TFDP1: variants seen among roughly 807,000 people sequenced by gnomAD.
The protein encoded by TFDP1 is transcription factor Dp-1.
Under a neutral mutation model 48.0 loss-of-function variants are expected in TFDP1, and 6 were observed. That is an observed-to-expected ratio of 0.13 (90% CI 0.07 to 0.25). The LOEUF is 0.25. TFDP1 is among the 10% of genes least tolerant of loss of function. The pLI is 1.00. For missense variants in TFDP1, 335 were observed against 543.0 expected, an observed-to-expected ratio of 0.62 and a Z score of 3.81; for synonymous variants, 201 against 211.6, an observed-to-expected ratio of 0.95 and a Z score of 0.44.
At chr13:113,593,692 G>T (rs2048207906) in intron 2 of TFDP1, among the ~76,000 whole-genome samples, 1 of 138,946 alleles carries the variant, frequency 7.2e-6, no homozygotes, top group African/African-American at 2.7e-5. Flanking sequence ...CTGTGCCCAG[G>T]TGACAGGTGT....
At chr13:113,639,986 C>G in intron 11 of TFDP1, 134 bp from the exon 12 acceptor site, 3 of 658,470 alleles carry the variant, frequency 4.6e-6, no homozygotes, top group East Asian at 2.8e-5. Flanking sequence ...CACTCAGCCT[C>G]CCCGTTCTGT....
rs952682674 is a variant in TFDP1, at chr13:113,598,986, CAG to C, written c.13-12008_13-12007del. Reference sequence around the variant, plus strand: ...AAAAACGTAGGGTGCAGAAAGGTGTCAGAAAGTAAGCAGTCATCTGAAATGAC... The same window carrying C: ...AAAAACGTAGGGTGCAGAAAGGTGTCAAAGTAAGCAGTCATCTGAAATGAC... On this transcript the variant is annotated intron_variant, in intron 2 of 11. Coordinates refer to ENST00000375370, the MANE Select transcript of TFDP1 (RefSeq NM_007111.5). This position sits in a 1 kb window ranked among gnomAD's most constrained non-coding sequence, Gnocchi z 4.2. Among the ~76,000 whole-genome samples, 1 of 152,166 alleles carries C rather than the reference CAG, an allele frequency of 6.6e-6. No individual in the cohort carries two copies. Among genetic ancestry groups the C allele is most frequent in the Non-Finnish European group, 1.5e-5 (1 of 68,042 alleles).
Position 113,607,182 on chromosome 13 carries a change from A to G in TFDP1, c.13-3814A>G, listed in dbSNP as rs1566649155. Among the ~76,000 whole-genome samples, 1 of 152,206 alleles carries G rather than the reference A, an allele frequency of 6.6e-6. No homozygotes were observed. Among genetic ancestry groups the G allele is most frequent in the Non-Finnish European group, 1.5e-5 (1 of 68,038 alleles). On this transcript the variant is annotated intron_variant, in intron 2 of 11. Transcript: ENST00000375370. The surrounding 1 kb of genome is among the most constrained non-coding windows in gnomAD (Gnocchi z 5.2). ...CCCCTGACAGAGCCGTGCAGGCGGCAGCGGCAGCACTGTTGCTGCGGCTGA... is the reference window on the plus strand; with the variant it reads ...CCCCTGACAGAGCCGTGCAGGCGGCGGCGGCAGCACTGTTGCTGCGGCTGA...
intron 11 of TFDP1, among the ~76,000 whole-genome samples, 197 bp from the exon 12 acceptor site, chr13:113,639,923 G>C (rs1252605271): frequency 1.3e-5 from 2 of 152,258 alleles, no homozygotes; most frequent in Non-Finnish European, 2.9e-5. Flanking sequence ...GGCCAGAAGA[G>C]AACCAGACAG....
rs200346879 is a variant in TFDP1 at position 113,636,146 on chromosome 13, A to G, written c.839+18A>G. The G allele has an allele frequency of 1.9e-5, 31 of 1,613,254 alleles. No homozygotes were observed. The East Asian group carries it at 6.9e-4, about 36-fold the overall frequency. ...AATGACAAGTAGGTTGTGGGCGGGG[A>G]GCTGTTCCCTGGTCACCCATCTCTT... On this transcript the variant is annotated intron_variant, in intron 9 of 11. Coordinates refer to ENST00000375370, the MANE Select transcript of TFDP1 (RefSeq NM_007111.5).
chr13:113,624,726 A>T (rs975433990), intron 4 of TFDP1, among the ~76,000 whole-genome samples: 2 of 118,836 alleles, frequency 1.7e-5, no homozygotes, highest in Non-Finnish European at 3.3e-5. Context: ...ACATGTCCTC[A>T]CGTGTCTCTC....
intron 7 of TFDP1, 190 bp from the exon 8 acceptor site, chr13:113,634,344 A>G: frequency 1.6e-6 from 1 of 636,558 alleles, no homozygotes; most frequent in East Asian, 2.7e-5. Flanking sequence ...GGGAGAAGGT[A>G]TAGTTTAGAA....
At chr13:113,621,916 A>C (rs1156546198) in intron 3 of TFDP1, among the ~76,000 whole-genome samples, 1 of 152,200 alleles carries the variant, frequency 6.6e-6, no homozygotes, top group East Asian at 1.9e-4. Flanking sequence ...TCACGCTCCT[A>C]GTCCACCTTC....
intron 3 of TFDP1, among the ~76,000 whole-genome samples, chr13:113,618,142 C>T (rs1170087574): frequency 2.0e-5 from 3 of 152,182 alleles, no homozygotes; most frequent in Non-Finnish European, 4.4e-5. Flanking sequence ...AAATGTTAGC[C>T]CTCCTCCCTC....
intron 2 of TFDP1, among the ~76,000 whole-genome samples, chr13:113,588,619 A>G (rs1026644441): frequency 6.6e-6 from 1 of 152,148 alleles, no homozygotes; most frequent in African/African-American, 2.4e-5. Context: ...GGAGAGAGGT[A>G]CTCTGAAAAG....
chr13:113,585,963 C>A, intron 2 of TFDP1, 114 bp downstream of exon 2: 2 of 1,274,432 alleles, frequency 1.6e-6, no homozygotes, highest in Non-Finnish European at 2.2e-6. Context: ...TGTTTATTTT[C>A]AGACTTTTAA....
chr13:113,599,101 C>G (rs561134098), intron 2 of TFDP1, among the ~76,000 whole-genome samples: 2 of 151,572 alleles, frequency 1.3e-5, no homozygotes, highest in African/African-American at 4.8e-5. Flanking sequence ...ATGTACAGTA[C>G]GGAATTCTAA....
intron 2 of TFDP1, among the ~76,000 whole-genome samples, chr13:113,587,094 C>T (rs536135983): frequency 1.9e-4 from 29 of 152,252 alleles, no homozygotes; most frequent in Admixed American, 1.6e-3. Context: ...TTCTCAAACA[C>T]GCTTTGATAC....
At chr13:113,608,710 C>T (rs1303328128) in intron 2 of TFDP1, among the ~76,000 whole-genome samples, 1 of 152,226 alleles carries the variant, frequency 6.6e-6, no homozygotes, top group Admixed American at 6.5e-5. Context: ...ACTTCTCGGT[C>T]TTACCCAGTG....
At chr13:113,625,495 T>C (rs1451112704) in intron 4 of TFDP1, among the ~76,000 whole-genome samples, 1 of 92,344 alleles carries the variant, frequency 1.1e-5, no homozygotes. Flanking sequence ...GTCTCTCACG[T>C]GTTCTCAGGT....
chr13:113,634,724 T>A, intron 8 of TFDP1, 122 bp downstream of exon 8: 1 of 738,132 alleles, frequency 1.4e-6, no homozygotes, highest in Non-Finnish European at 2.2e-6. Flanking sequence ...GCTCTAAGAT[T>A]CTGAGTGTGA....
rs1414895624 is a variant in TFDP1 at position 113,628,885 on chromosome 13, G to A, written c.187-2738G>A. On this transcript the variant is annotated intron_variant, in intron 4 of 11. Coordinates refer to ENST00000375370, the MANE Select transcript of TFDP1 (RefSeq NM_007111.5). ...AGTGTGGCTCCTGGTGTAGGGAAGTGAGGCCGGGGGCCTGCTCCATGTCTG... is the reference window on the plus strand; with the variant it reads ...AGTGTGGCTCCTGGTGTAGGGAAGTAAGGCCGGGGGCCTGCTCCATGTCTG... 3.9e-5 allele frequency among the ~76,000 whole-genome samples: 6 copies of A among 152,290 alleles called. No homozygotes were observed. In the East Asian group the frequency reaches 1.2e-3, roughly 29 times the overall value.
chr13:113,593,276 G>A (rs1188984291), intron 2 of TFDP1, among the ~76,000 whole-genome samples: 12 of 143,504 alleles, frequency 8.4e-5, no homozygotes, highest in Admixed American at 2.8e-4. Flanking sequence ...GGCGTGATGC[G>A]TGTGGGTCCT....
intron 3 of TFDP1, among the ~76,000 whole-genome samples, chr13:113,619,529 C>T (rs938431274): frequency 1.3e-5 from 2 of 151,874 alleles, no homozygotes; most frequent in African/African-American, 4.8e-5. Flanking sequence ...AGGTCTGGCC[C>T]CAGAAGCCAC....
Sources: gnomAD v4.1 joint callset for allele counts (sites outside exome capture counted in the v4.1 genomes callset) on GRCh38, gnomAD v4.1.1 for gene constraint, Gnocchi (gnomAD v3.1) non-coding constraint, MANE v1.5 for transcripts, NCBI Gene and HGNC (gene_info 2026-07-23, HGNC 2026-07-21) for gene names.